PRR5L: variants seen among roughly 807,000 people sequenced by gnomAD.
The protein encoded by PRR5L is proline rich 5 like.
Under a neutral mutation model 36.4 loss-of-function variants are expected in PRR5L, and 21 were observed. The observed-to-expected ratio is 0.58, with a 90% CI of 0.41 to 0.83. PRR5L has a LOEUF of 0.83. Among genes scored for constraint, PRR5L ranks in the 40% least tolerant of loss-of-function variants. PRR5L has a pLI of 0.00. For synonymous variants in PRR5L, 188 were observed against 197.0 expected (o/e 0.95, Z 0.38); for missense variants, 381 against 473.3 (o/e 0.80, Z 1.81).
chr11:36,308,938 T>G (rs1031760278), intron 1 of PRR5L, among the ~76,000 whole-genome samples: 2 of 152,214 alleles, frequency 1.3e-5, no homozygotes, highest in Non-Finnish European at 2.9e-5. Context: ...AGAATTGCCC[T>G]AGTCAACCTG....
chr11:36,371,669 C>T (rs1375414753), intron 1 of PRR5L, among the ~76,000 whole-genome samples: 1 of 152,186 alleles, frequency 6.6e-6, no homozygotes, highest in Non-Finnish European at 1.5e-5. Flanking sequence ...GTATGAGACA[C>T]TAGGGTTATT....
chr11:36,332,553 G>A (rs11033557), intron 1 of PRR5L, among the ~76,000 whole-genome samples: 1 of 152,244 alleles, frequency 6.6e-6, no homozygotes, highest in East Asian at 1.9e-4. Context: ...CAATCCATCT[G>A]CTATGGTTTG....
chr11:36,396,205 A>T (rs537337339), intron 1 of PRR5L: 1 of 152,360 alleles, frequency 6.6e-6, no homozygotes, highest in Admixed American at 6.5e-5. Context: ...CCCTGACCTG[A>T]CAGCTTTCCA....
At chr11:36,448,650 G>A (rs2133621197) in intron 7 of PRR5L, among the ~76,000 whole-genome samples, 1 of 152,312 alleles carries the variant, frequency 6.6e-6, no homozygotes, top group Middle Eastern at 3.4e-3. Context: ...GAGCAGGACT[G>A]ATGCTGGGTC....
chr11:36,431,475 ATG>A (rs1358342017), intron 4 of PRR5L, among the ~76,000 whole-genome samples: 42 of 141,134 alleles, frequency 3.0e-4, no homozygotes, highest in Non-Finnish European at 2.9e-4. Context: ...AAAAAAAAAT[ATG>A]TTATTTCTGC....
In PRR5L at chr11:36,347,620, G is replaced by C. The variant is rs543195238; in HGVS notation, c.-126+51182G>C. 1.2e-3 allele frequency among the ~76,000 whole-genome samples: 175 copies of C among 152,046 alleles called. 1 individual carries two copies. Among genetic ancestry groups the C allele is most frequent in the African/African-American group, 4.2e-3 (173 of 41,462 alleles). ...TGGAGCTTGCTGAGCCTGAAGAAGA[G>C]AGGGCAAGCATGGAAGAAATAAAAG... is the stretch of plus-strand genomic sequence containing the variant. On this transcript the variant is annotated intron_variant, in intron 1 of 8. Transcript: ENST00000530639.
chr11:36,443,632 G>A (rs1044002168), intron 6 of PRR5L, among the ~76,000 whole-genome samples: 6 of 152,094 alleles, frequency 3.9e-5, no homozygotes, highest in Non-Finnish European at 8.8e-5. Flanking sequence ...ACACAGTAAG[G>A]GCTTAAGAAT....
chr11:36,314,291 C>A (rs1013255691), intron 1 of PRR5L, among the ~76,000 whole-genome samples: 4 of 152,140 alleles, frequency 2.6e-5, no homozygotes, highest in African/African-American at 9.7e-5. Flanking sequence ...TGGGCTTGGG[C>A]TCCTGTACCC....
At chr11:36,306,137 T>C (rs779358803) in intron 1 of PRR5L, among the ~76,000 whole-genome samples, 1 of 152,174 alleles carries the variant, frequency 6.6e-6, no homozygotes, top group Non-Finnish European at 1.5e-5. Flanking sequence ...CTAGGGTACA[T>C]GTGCACAACG....
chr11:36,459,251 G>C (rs1310631837), intron 8 of PRR5L, among the ~76,000 whole-genome samples: 1 of 152,220 alleles, frequency 6.6e-6, no homozygotes, highest in Non-Finnish European at 1.5e-5. Context: ...AGAGGAGCAT[G>C]AGTTGGGGGA....
At chr11:36,303,693 A>G (rs1290749720) in intron 1 of PRR5L, among the ~76,000 whole-genome samples, 5 of 152,218 alleles carry the variant, frequency 3.3e-5, no homozygotes, top group African/African-American at 7.2e-5. Flanking sequence ...GATGTGACGT[A>G]TGCACCTGTC....
At chr11:36,429,020 T>C (rs556905298) in intron 4 of PRR5L, among the ~76,000 whole-genome samples, 9 of 152,216 alleles carry the variant, frequency 5.9e-5, no homozygotes, top group Non-Finnish European at 1.3e-4. Context: ...CTCCATAATA[T>C]AGGAATAATT....
intron 5 of PRR5L, 48 bp from the exon 6 acceptor site, chr11:36,437,337 G>GA: frequency 3.3e-6 from 4 of 1,229,896 alleles, no homozygotes; most frequent in Non-Finnish European, 4.8e-6. Flanking sequence ...AAGTAATGAC[G>GA]AATTCTTTTC....
intron 1 of PRR5L, among the ~76,000 whole-genome samples, chr11:36,336,739 T>G (rs558811123): frequency 5.9e-5 from 9 of 152,242 alleles, no homozygotes; most frequent in Non-Finnish European, 1.3e-4. Context: ...CTATTACAAT[T>G]AAAAATGTCT....
intron 1 of PRR5L, among the ~76,000 whole-genome samples, chr11:36,335,187 C>G (rs1283150491): frequency 6.6e-6 from 1 of 151,972 alleles, no homozygotes. Context: ...CAGCCTTTCT[C>G]CCAAGTAGCT....
At chr11:36,371,725 G>A (rs1055951389) in intron 1 of PRR5L, among the ~76,000 whole-genome samples, 5 of 152,180 alleles carry the variant, frequency 3.3e-5, no homozygotes, top group African/African-American at 1.2e-4. Context: ...GCAGACATTT[G>A]TTTCACACCT....
intron 1 of PRR5L, among the ~76,000 whole-genome samples, chr11:36,308,174 T>A (rs1015269924): frequency 6.6e-6 from 1 of 152,214 alleles, no homozygotes; most frequent in Admixed American, 6.5e-5. Context: ...GAAGAACCAA[T>A]GTATCCAGCA....
chr11:36,418,949 T>C (rs1196281981), intron 3 of PRR5L, among the ~76,000 whole-genome samples: 2 of 152,204 alleles, frequency 1.3e-5, no homozygotes, highest in African/African-American at 4.8e-5. Context: ...TTCCTTCTTT[T>C]TGCTTCATAT....
chr11:36,368,873 G>C (rs1200813553), intron 1 of PRR5L, among the ~76,000 whole-genome samples: 3 of 152,106 alleles, frequency 2.0e-5, no homozygotes, highest in African/African-American at 7.2e-5. Context: ...TTCAAATACA[G>C]TAAGTATTGA....
Sources: allele counts gnomAD v4.1 joint callset (sites outside exome capture counted in the v4.1 genomes callset), GRCh38; gene constraint gnomAD v4.1.1; transcripts MANE v1.5; gene names NCBI Gene and HGNC (gene_info 2026-07-23, HGNC 2026-07-21).